PRDX1: variants seen among roughly 807,000 people sequenced by gnomAD.
The protein encoded by PRDX1 is peroxiredoxin-1.
PRDX1 carries 19 observed loss-of-function variants against 20.7 expected under a neutral mutation model. That is an observed-to-expected ratio of 0.92 (90% CI 0.64 to 1.35). The LOEUF is 1.35. PRDX1 is among the 40% of genes most tolerant of loss of function. The pLI is 0.00. For missense variants in PRDX1, 226 were observed against 240.0 expected (o/e 0.94, Z 0.38); for synonymous variants, 89 against 83.9 (o/e 1.06, Z -0.33).
chr1:45,521,970 G>A (rs1023643354), upstream of PRDX1: 2 of 152,396 alleles, frequency 1.3e-5, no homozygotes, highest in Admixed American at 1.3e-4. Flanking sequence ...GGAGGAGAGA[G>A]AGGAGGGGGA....
chr1:45,519,638 CA>C (rs1643890389), intron 1 of PRDX1, among the ~76,000 whole-genome samples: 1 of 152,172 alleles, frequency 6.6e-6, no homozygotes, highest in Non-Finnish European at 1.5e-5. Context: ...TCTTGGGGCC[CA>C]GGCTGGAATG....
chr1:45,512,175 T>C (rs1643764392), intron 5 of PRDX1: 1 of 135,706 alleles, frequency 7.4e-6, no homozygotes, highest in African/African-American at 2.7e-5. Flanking sequence ...AACCTCGGTC[T>C]CCCGGGTTCA....
At chr1:45,519,829 C>T (rs1332155815) in intron 1 of PRDX1, among the ~76,000 whole-genome samples, 1 of 152,180 alleles carries the variant, frequency 6.6e-6, no homozygotes, top group Non-Finnish European at 1.5e-5. Flanking sequence ...AACTCCTCAC[C>T]TCAGATGATT....
At chr1:45,518,570 GC>G (rs1373194095) in intron 2 of PRDX1, among the ~76,000 whole-genome samples, 1 of 151,618 alleles carries the variant, frequency 6.6e-6, no homozygotes, top group Non-Finnish European at 1.5e-5. Context: ...GACCACCTGA[GC>G]CCAGAGAGGT....
At chr1:45,519,682 AC>A (rs1643890647) in intron 1 of PRDX1, among the ~76,000 whole-genome samples, 1 of 152,028 alleles carries the variant, frequency 6.6e-6, no homozygotes, top group Admixed American at 6.5e-5. Context: ...TGCAACCTCC[AC>A]CTCTCAGGTT....
chr1:45,514,634 G>A lies in PRDX1; in HGVS notation c.387C>T (p.Gly129=). Residue 129 remains glycine (G), a synonymous_variant, in exon 5 of 6, where the codon GGC becomes GGT. Coordinates refer to ENST00000319248, the MANE Select transcript of PRDX1 (RefSeq NM_181697.3). ...LKADEGISFR[G]LFIIDDKGIL... ...TACCCTTATCATCAATGATAAAAAGGCCCCTGGGAAAAGAGATGAAAGGAA... is the reference window on the plus strand; with the variant it reads ...TACCCTTATCATCAATGATAAAAAGACCCCTGGGAAAAGAGATGAAAGGAA... 3 of 1,613,750 alleles carry A rather than the reference G, an allele frequency of 1.9e-6. No homozygotes were observed. Among genetic ancestry groups the A allele is most frequent in the Non-Finnish European group, 2.5e-6 (3 of 1,179,688 alleles).
chr1:45,518,911 C>T (rs772646221), intron 2 of PRDX1, 27 bp downstream of exon 2: 2 of 1,521,950 alleles, frequency 1.3e-6, no homozygotes, highest in South Asian at 2.4e-5. Context: ...AACTCCATCT[C>T]AATGAGCCCA....
At chr1:45,511,780 G>C (rs1643751365) in intron 5 of PRDX1, 1 of 158,986 alleles carries the variant, frequency 6.3e-6, no homozygotes, top group Non-Finnish European at 1.4e-5. Context: ...GTTTCTGACA[G>C]CCCTTCAGAG....
At chr1:45,516,375 GC>G (rs1643862680) in intron 2 of PRDX1, among the ~76,000 whole-genome samples, 2 of 152,206 alleles carry the variant, frequency 1.3e-5, no homozygotes, top group African/African-American at 4.8e-5. Flanking sequence ...TGTAGTCCCA[GC>G]TACTTGGGAG....
chr1:45,514,264 C>T (rs1286293648), intron 5 of PRDX1, among the ~76,000 whole-genome samples: 1 of 152,170 alleles, frequency 6.6e-6, no homozygotes, highest in African/African-American at 2.4e-5. Context: ...CCTGCCACAT[C>T]CCCCTCTCCG....
Position 45,511,236 on chromosome 1 carries a change from A to C in PRDX1, c.*93T>G. The C allele has an allele frequency of 9.4e-7, 1 of 1,067,176 alleles. No homozygotes were observed. The highest frequency in any genetic ancestry group is 1.4e-6 in the Non-Finnish European group (1 of 732,108). 66.1% of individuals were successfully genotyped at this position (1,067,176 alleles called of 1,614,324 possible). ...GACACCACAATTCGGCTGAATCTGA[A>C]GTCTTGTGTTTTACTAATGGAAAAA... On this transcript the variant is annotated 3_prime_UTR_variant, in exon 6 of 6. Coordinates refer to ENST00000319248, the MANE Select transcript of PRDX1 (RefSeq NM_181697.3).
At chr1:45,513,560 T>G (rs945447958) in intron 5 of PRDX1, among the ~76,000 whole-genome samples, 3 of 152,176 alleles carry the variant, frequency 2.0e-5, no homozygotes, top group Non-Finnish European at 2.9e-5. Context: ...TAGAAAGAAG[T>G]AGACAGAGGA....
In PRDX1 at chr1:45,520,785, T is replaced by C. The variant is rs575297381; in HGVS notation, c.-12+1044A>G. On this transcript the variant is annotated intron_variant, in intron 1 of 5. Coordinates refer to ENST00000319248, the MANE Select transcript of PRDX1 (RefSeq NM_181697.3). The stretch of plus-strand genomic sequence containing the variant: ...GGGGCTTGGTGGCACAAGCCTGTAA[T>C]CCCAGCTACTCCTAAGGCTGAGGCA... Among the ~76,000 whole-genome samples the C allele has an allele frequency of 6.2e-5, 9 of 146,308 alleles. No homozygotes were observed. In the South Asian group the frequency reaches 1.7e-3, roughly 28 times the overall value.
chr1:45,514,520 G>A lies in PRDX1; in HGVS notation c.501C>T (p.Asp167=), dbSNP rs1298028909. Residue 167 remains aspartate, a synonymous_variant, in exon 5 of 6, where the codon GAC becomes GAT. Transcript: ENST00000319248. ...CAGATGGCTTACCTTCCCCATGTTT[G>A]TCAGTGAACTGGAAGGCCTGAACTA... ...LRLVQAFQFT[D]KHGEVCPAGW... is the part of the protein sequence containing the mutation. 1 of 1,614,104 alleles carries A rather than the reference G, an allele frequency of 6.2e-7. No individual in the cohort carries two copies. The highest frequency in any genetic ancestry group is 8.5e-7 in the Non-Finnish European group (1 of 1,180,012).
upstream of PRDX1, among the ~76,000 whole-genome samples, chr1:45,522,589 G>A (rs1643923849): frequency 6.6e-6 from 1 of 152,042 alleles, no homozygotes; most frequent in African/African-American, 2.4e-5. Flanking sequence ...ATTTCCTGAT[G>A]ACTACCCCCC....
At chr1:45,515,129 T>A in intron 3 of PRDX1, 134 bp from the exon 4 acceptor site, 1 of 1,296,024 alleles carries the variant, frequency 7.7e-7, no homozygotes, top group Non-Finnish European at 1.1e-6. Flanking sequence ...AGCAATAAAG[T>A]GAATGCTGAG....
intron 1 of PRDX1, 96 bp from the exon 2 acceptor site, chr1:45,519,150 G>T: frequency 1.2e-6 from 1 of 830,862 alleles, no homozygotes; most frequent in Non-Finnish European, 1.9e-6. Context: ...AAACAATCAA[G>T]GCATTGTCCA....
chr1:45,518,118 C>G (rs761982397), intron 2 of PRDX1, among the ~76,000 whole-genome samples: 10 of 152,066 alleles, frequency 6.6e-5, no homozygotes, highest in Non-Finnish European at 1.2e-4. Context: ...AGGGCTTGAG[C>G]CCAGGAGTTG....
At position 45,518,981 on chromosome 1, in the gene PRDX1, CA is replaced by C. The variant is rs1407885798; in HGVS notation, c.62del (p.Met21SerfsTer53). 1 of 1,605,574 alleles carries C rather than the reference CA, an allele frequency of 6.2e-7. No individual in the cohort carries two copies. Among genetic ancestry groups the C allele is most frequent in the East Asian group, 2.3e-5 (1 of 44,214 alleles). On this transcript the variant is annotated frameshift_variant, in exon 2 of 6. Transcript: ENST00000319248. LOFTEE classifies it high-confidence loss of function. ...PAPNFKATAVMPDGQFKDISL... is the reference protein window; with the variant it reads ...PAPNFKATAVXPDGQFKDISL... ...TGATATCTTTAAACTGACCATCTGGCATAACAGCTGTGGCTTTGAAGTTGGG... is the reference window on the plus strand; with the variant it reads ...TGATATCTTTAAACTGACCATCTGGCTAACAGCTGTGGCTTTGAAGTTGGG...
Sources: gnomAD v4.1 joint callset for allele counts (sites outside exome capture counted in the v4.1 genomes callset) on GRCh38, gnomAD v4.1.1 for gene constraint, MANE v1.5 for transcripts, NCBI Gene and HGNC (gene_info 2026-07-23, HGNC 2026-07-21) for gene names.